ARHGAP44: variants seen among roughly 807,000 people sequenced by gnomAD.
ARHGAP44 encodes the protein Rho GTPase activating protein 44, also known as rho GTPase-activating protein 44.
In ARHGAP44, 43 loss-of-function variants were observed where a neutral mutation model predicts 106.8. That is an observed-to-expected ratio of 0.40 (90% CI 0.32 to 0.52). The LOEUF is 0.52. ARHGAP44 is among the 20% of genes least tolerant of loss of function. The probability of loss-of-function intolerance (pLI) is 0.48; values close to 1 mark genes in which losing one functional copy is unlikely to be tolerated. For synonymous variants in ARHGAP44, 439 were observed against 410.3 expected, an observed-to-expected ratio of 1.07 and a Z score of -0.85; for missense variants, 866 against 1,050.5, an observed-to-expected ratio of 0.82 and a Z score of 2.43.
chr17:12,984,636 C>G lies in ARHGAP44; in HGVS notation c.2045C>G (p.Thr682Ser), dbSNP rs764664206. 3 of 1,612,352 alleles carry G rather than the reference C, an allele frequency of 1.9e-6. No individual in the cohort carries two copies. Among genetic ancestry groups the G allele is most frequent in the South Asian group, 1.1e-5 (1 of 90,986 alleles). ...CCGTCCCCAGTCAGCCTGTCCCCCA[C>G]CCCGCCCAGCACCCCGTCACCCTAT... ...GQPSPVSLSP[T>S]PPSTPSPYGL... Residue 682 changes from threonine to serine, a missense_variant, in exon 20 of 21, where the codon ACC becomes AGC. Thr to Ser is a moderately conservative substitution (Grantham distance 58, BLOSUM62 1). Around this residue, in one of 2 missense-constraint regions of ARHGAP44, gnomAD observed 418 missense variants for 403.6 expected, o/e 1.04. Coordinates refer to ENST00000379672, the MANE Select transcript of ARHGAP44 (RefSeq NM_014859.6).
chr17:12,825,092 G>A (rs1322738109), intron 1 of ARHGAP44, among the ~76,000 whole-genome samples: 1 of 151,950 alleles, frequency 6.6e-6, no homozygotes, highest in African/African-American at 2.4e-5. Context: ...CTGGAGTTCA[G>A]TGGCATGATC....
At chr17:12,834,681 CAAAGTCCCTTCCCCCAT>C (rs2035185184) in intron 1 of ARHGAP44, among the ~76,000 whole-genome samples, 2 of 152,124 alleles carry the variant, frequency 1.3e-5, no homozygotes, top group African/African-American at 4.8e-5. Flanking sequence ...CATACACAAA[CAAAGTCCCTTCCCCCAT>C]GAAGTTTATT....
rs78884653 is a variant in ARHGAP44, at chr17:12,841,180, A to G, written c.53+51289A>G. On this transcript the variant is annotated intron_variant, in intron 1 of 20. Coordinates refer to ENST00000379672, the MANE Select transcript of ARHGAP44 (RefSeq NM_014859.6). ...GCACAGAGGCACATCCTGGGCCAAC[A>G]GCAACCTGTACACAGGAAAGCACAA... 4.1e-3 allele frequency among the ~76,000 whole-genome samples: 630 copies of G among 152,332 alleles called. 8 individuals carry two copies. Among genetic ancestry groups the G allele is most frequent in the African/African-American group, 0.012 (498 of 41,574 alleles).
chr17:12,945,015 T>A (rs2038815308), intron 10 of ARHGAP44, among the ~76,000 whole-genome samples: 1 of 151,984 alleles, frequency 6.6e-6, no homozygotes, highest in African/African-American at 2.4e-5. Context: ...TGAGAAATTT[T>A]TTTTTTTCTT....
chr17:12,871,429 C>G (rs2036404249), intron 1 of ARHGAP44, among the ~76,000 whole-genome samples: 2 of 152,222 alleles, frequency 1.3e-5, no homozygotes, highest in East Asian at 3.9e-4. Context: ...TCCACAGGCT[C>G]TATAGGAAGT....
intron 8 of ARHGAP44, among the ~76,000 whole-genome samples, chr17:12,942,893 C>T (rs982728503): frequency 2.6e-5 from 4 of 152,188 alleles, no homozygotes; most frequent in Non-Finnish European, 5.9e-5. Flanking sequence ...TGGACTGCAT[C>T]ATTTTCACCA....
intron 16 of ARHGAP44, among the ~76,000 whole-genome samples, chr17:12,963,731 C>CACCAGTGCCGTGTGTGCAGACAG (rs1385080977): frequency 8.5e-5 from 13 of 152,090 alleles, no homozygotes; most frequent in Non-Finnish European, 1.3e-4. Flanking sequence ...GCCGGCCTTG[C>CACCAGTGCCGTGTGTGCAGACAG]GAAGCCCTGC....
chr17:12,847,441 C>T (rs181779038), intron 1 of ARHGAP44, among the ~76,000 whole-genome samples: 1 of 151,046 alleles, frequency 6.6e-6, no homozygotes, highest in East Asian at 2.0e-4. Flanking sequence ...GATCTTTGTG[C>T]ATTTTGTTCT....
intron 1 of ARHGAP44, among the ~76,000 whole-genome samples, chr17:12,886,658 G>C (rs1176409303): frequency 6.6e-6 from 1 of 151,904 alleles, no homozygotes; most frequent in Non-Finnish European, 1.5e-5. Flanking sequence ...ATGCAATCTT[G>C]CAGAAACCAT....
intron 16 of ARHGAP44, among the ~76,000 whole-genome samples, chr17:12,959,491 C>T (rs2039206363): frequency 6.6e-6 from 1 of 152,116 alleles, no homozygotes; most frequent in African/African-American, 2.4e-5. Context: ...CAGCAACAAC[C>T]CTGTCCACAC....
chr17:12,835,974 G>A (rs943088812), intron 1 of ARHGAP44, among the ~76,000 whole-genome samples: 6 of 152,144 alleles, frequency 3.9e-5, no homozygotes. Context: ...CATGTGGCAG[G>A]ATTTCCTTCT....
At chr17:12,948,630 G>A (rs763286391) in intron 10 of ARHGAP44, among the ~76,000 whole-genome samples, 1 of 151,814 alleles carries the variant, frequency 6.6e-6, no homozygotes, top group Admixed American at 6.6e-5. Flanking sequence ...AGATCGGGCC[G>A]CTGCACTCCA....
chr17:12,844,013 C>T lies in ARHGAP44; in HGVS notation c.54-50927C>T, dbSNP rs376091787. On this transcript the variant is annotated intron_variant, in intron 1 of 20. Coordinates refer to ENST00000379672, the MANE Select transcript of ARHGAP44 (RefSeq NM_014859.6). ...AGCTCAAACTCAAAACTCTGTCTTC[C>T]CTCAGTGGGTAGCAGCTGAAAATTT... 9.9e-5 allele frequency among the ~76,000 whole-genome samples: 15 copies of T among 152,194 alleles called. No homozygotes were observed. In the South Asian group the frequency reaches 1.9e-3, roughly 19 times the overall value.
intron 7 of ARHGAP44, among the ~76,000 whole-genome samples, chr17:12,939,616 C>T (rs2038650066): frequency 6.6e-6 from 1 of 152,144 alleles, no homozygotes; most frequent in Non-Finnish European, 1.5e-5. Flanking sequence ...CAGGCGCCCA[C>T]CACCATGCCT....
chr17:12,819,582 G>GTT (rs112095946), intron 1 of ARHGAP44, among the ~76,000 whole-genome samples: 28 of 141,578 alleles, frequency 2.0e-4, no homozygotes, highest in Admixed American at 1.1e-3. Flanking sequence ...ATACTGTCAA[G>GTT]TTTTTTTTTT....
chr17:12,901,573 G>C (rs1290502560), intron 3 of ARHGAP44, among the ~76,000 whole-genome samples: 2 of 152,050 alleles, frequency 1.3e-5, no homozygotes, highest in Admixed American at 6.6e-5. Context: ...AGAGTATCAG[G>C]GCTTGGTAAC....
At chr17:12,861,362 T>G (rs2036067419) in intron 1 of ARHGAP44, among the ~76,000 whole-genome samples, 1 of 152,056 alleles carries the variant, frequency 6.6e-6, no homozygotes, top group African/African-American at 2.4e-5. Context: ...ACAACACAAA[T>G]TTATCATCTT....
At chr17:12,867,283 TCC>T (rs1307441784) in intron 1 of ARHGAP44, among the ~76,000 whole-genome samples, 1 of 152,062 alleles carries the variant, frequency 6.6e-6, no homozygotes, top group Non-Finnish European at 1.5e-5. Context: ...TGGACTCTTC[TCC>T]TGTCTCACGG....
chr17:12,886,507 T>G (rs2322656), intron 1 of ARHGAP44, among the ~76,000 whole-genome samples: 8,830 of 152,222 alleles, frequency 0.058, 836 homozygotes, highest in African/African-American at 0.2. Flanking sequence ...ATTTTTTAGC[T>G]TTCTGCCTAT....
Sources: allele counts gnomAD v4.1 joint callset (sites outside exome capture counted in the v4.1 genomes callset), GRCh38; gene constraint gnomAD v4.1.1; regional missense constraint gnomAD v4.1.1; transcripts MANE v1.5; gene names NCBI Gene and HGNC (gene_info 2026-07-23, HGNC 2026-07-21).